Variants in CENPE observed in about 807,000 individuals in gnomAD.
CENPE encodes centromere protein E.
Under a neutral mutation model 336.1 loss-of-function variants are expected in CENPE, and 145 were observed. That is an observed-to-expected ratio of 0.43 (90% CI 0.38 to 0.50). The LOEUF (loss-of-function observed/expected upper bound fraction) is 0.50. Ranked by LOEUF, CENPE falls within the 20% of genes least tolerant of loss-of-function variation. The probability of loss-of-function intolerance (pLI) is 0.00; values close to 1 mark genes in which losing one functional copy is unlikely to be tolerated. For missense variants in CENPE, 2,719 were observed against 3,023.3 expected (o/e 0.90, Z 2.36); for synonymous variants, 1,013 against 984.8 (o/e 1.03, Z -0.54).
chr4:103,145,992 A>C lies in CENPE; in HGVS notation c.4250T>G (p.Leu1417Arg). The change falls in exon 30 of 49, where the codon CTA (leucine) becomes CGA (arginine). Residue 1417 changes from leucine (L) to arginine (R), a missense_variant. By Grantham distance (102) the Leu-to-Arg change is moderately radical. Coordinates refer to ENST00000265148, the MANE Select transcript of CENPE (RefSeq NM_001813.3). ...TCCGAGCATTTCTATTTCTATCCTTAGTAGTGCTGAATCTTTGGGTTTGAA... is the reference window on the plus strand; with the variant it reads ...TCCGAGCATTTCTATTTCTATCCTTCGTAGTGCTGAATCTTTGGGTTTGAA... ...EQFKPKDSAL[L>R]RIEIEMLGLS... 6.2e-7 allele frequency: 1 copy of C among 1,613,886 alleles called. No homozygotes were observed. Among genetic ancestry groups the C allele is most frequent in the Non-Finnish European group, 8.5e-7 (1 of 1,179,914 alleles).
Position 103,151,434 on chromosome 4 carries a change from C to G in CENPE, c.3238-57G>C, listed in dbSNP as rs1578616445. 4 of 1,255,616 alleles carry G rather than the reference C, an allele frequency of 3.2e-6. No homozygotes were observed. The South Asian group carries it at 5.0e-5, about 16-fold the overall frequency. The allele number at this position is 1,255,616 out of a possible 1,614,324, so 77.8% of individuals were successfully genotyped here. ...AAATATTAGCTAACATTTATGAAAT[C>G]AGGTAAAACATCAGCATTTCTCTCA... On this transcript the variant is annotated intron_variant, in intron 25 of 48. Transcript: ENST00000265148.
chr4:103,120,070 A>C, intron 44 of CENPE, 78 bp downstream of exon 44: 3 of 1,024,010 alleles, frequency 2.9e-6, no homozygotes, highest in Non-Finnish European at 4.2e-6. Flanking sequence ...GGAAGAATAG[A>C]GCACAAGGAG....
At chr4:103,186,529 C>T (rs1756783853) in intron 8 of CENPE, among the ~76,000 whole-genome samples, 1 of 152,178 alleles carries the variant, frequency 6.6e-6, no homozygotes, top group African/African-American at 2.4e-5. Flanking sequence ...ACTGTGGCAT[C>T]TTTAAGAGCT....
At position 103,108,945 on chromosome 4, in the gene CENPE, G is replaced by C. The variant is rs771180147; in HGVS notation, c.7869C>G (p.Pro2623=). The part of the protein sequence containing the change: ...GTASKKKQIT[P]SQCKERNLQD... ...GTAAATTCCGTTCCTTGCATTGAGA[G>C]GGTGTAATTTGTTTCTTTTTAGAAG... The change falls in exon 48 of 49, where the codon CCC becomes CCG. Residue 2623 remains proline, a synonymous_variant. Coordinates refer to ENST00000265148, the MANE Select transcript of CENPE (RefSeq NM_001813.3). 9.9e-6 allele frequency: 16 copies of C among 1,613,788 alleles called. No homozygotes were observed. Among genetic ancestry groups the C allele is most frequent in the Non-Finnish European group, 1.3e-5 (15 of 1,179,874 alleles).
chr4:103,197,809 A>C (rs1009648363), intron 1 of CENPE, among the ~76,000 whole-genome samples: 1 of 152,252 alleles, frequency 6.6e-6, no homozygotes, highest in Non-Finnish European at 1.5e-5. Flanking sequence ...CTAAAAAAAA[A>C]TTGATAAATA....
chr4:103,149,255 A>C lies in CENPE; in HGVS notation c.3550T>G (p.Leu1184Val). ...TAATTTTCATTAAGTTTCTGAGCCA[A>C]CTCAAGCCTCTCTGTTTCCATATGT... ...LEHMETERLELAQKLNENYEE... is the reference protein window; with the variant it reads ...LEHMETERLEVAQKLNENYEE... Residue 1184 changes from leucine to valine, a missense_variant, in exon 27 of 49, where the codon TTG (leucine) becomes GTG (valine). Around this residue, in one of 5 missense-constraint regions of CENPE, gnomAD observed 2,437 missense variants for 2,513.3 expected, o/e 0.97. Transcript: ENST00000265148. 2 of 1,612,980 alleles carry C rather than the reference A, an allele frequency of 1.2e-6. No homozygotes were observed. The highest frequency in any genetic ancestry group is 1.7e-6 in the Non-Finnish European group (2 of 1,179,810).
chr4:103,176,211 T>C (rs891157918), intron 14 of CENPE, among the ~76,000 whole-genome samples, 163 bp from the exon 15 acceptor site: 7 of 152,190 alleles, frequency 4.6e-5, no homozygotes, highest in Non-Finnish European at 8.8e-5. Context: ...ATAGATATGG[T>C]CATTTATGTT....
At chr4:103,177,192 T>C in intron 13 of CENPE, 146 bp from the exon 14 acceptor site, 1 of 602,566 alleles carries the variant, frequency 1.7e-6, no homozygotes, top group East Asian at 3.1e-5. Flanking sequence ...CTAAGGATAT[T>C]GCTTAAAAAA....
At chr4:103,162,388 G>A (rs922382133) in intron 18 of CENPE, among the ~76,000 whole-genome samples, 5 of 151,834 alleles carry the variant, frequency 3.3e-5, no homozygotes, top group African/African-American at 4.8e-5. Context: ...AAACTGAAGC[G>A]ATTAAATGAC....
At chr4:103,163,400 ACAT>A in intron 17 of CENPE, 76 bp downstream of exon 17, 1 of 1,271,584 alleles carries the variant, frequency 7.9e-7, no homozygotes, top group Non-Finnish European at 1.1e-6. Flanking sequence ...CTTATTTCTG[ACAT>A]CATGTTCAGT....
chr4:103,173,630 T>TTTGCAATATTTACAGAAATATTTGCAA (rs1212496499), intron 16 of CENPE, among the ~76,000 whole-genome samples: 1 of 151,438 alleles, frequency 6.6e-6, no homozygotes, highest in African/African-American at 2.4e-5. Flanking sequence ...TTGCAAAATA[T>TTTGCAATATTTACAGAAATATTTGCAA]ACATCTGACA....
Position 103,181,333 on chromosome 4 carries a change from A to G in CENPE, c.1083+4T>C, listed in dbSNP as rs1756310919. 1 of 1,511,038 alleles carries G rather than the reference A, an allele frequency of 6.6e-7. No individual in the cohort carries two copies. The highest frequency in any genetic ancestry group is 1.4e-5 in the African/African-American group (1 of 70,272). The allele number at this position is 1,511,038 out of a possible 1,614,324, so 93.6% of individuals were successfully genotyped here. A position where few individuals can be genotyped will look rare whatever the true frequency, so the allele number is the denominator to read the frequency against. ...ATTTAATGAAATAAATGATTCATAC[A>G]TACCTCCTCTAATTGTTTTTTAAGA... On this transcript the variant is annotated splice_donor_region_variant and intron_variant, in intron 12 of 48. Coordinates refer to ENST00000265148, the MANE Select transcript of CENPE (RefSeq NM_001813.3).
chr4:103,148,751 A>T, intron 28 of CENPE, 93 bp downstream of exon 28: 1 of 1,165,544 alleles, frequency 8.6e-7, no homozygotes, highest in African/African-American at 1.5e-5. Context: ...TCAATTAATG[A>T]ACCACATCCT....
Position 103,106,406 on chromosome 4 carries a change from G to A in CENPE, c.8012-90C>T, listed in dbSNP as rs560935001. 3 of 912,996 alleles carry A rather than the reference G, an allele frequency of 3.3e-6. No homozygotes were observed. In the Admixed American group the frequency reaches 7.2e-5, roughly 22 times the overall value. The allele number at this position is 912,996 out of a possible 1,614,324, so 56.6% of individuals were successfully genotyped here. On this transcript the variant is annotated intron_variant, in intron 48 of 48. Coordinates refer to ENST00000265148, the MANE Select transcript of CENPE (RefSeq NM_001813.3). ...GGAAGTGGAAAGGAGGTTAAGACAG[G>A]AGAGATGTGAAGAATGAAAAATGGC...
intron 41 of CENPE, 64 bp from the exon 42 acceptor site, chr4:103,132,960 T>TTATATGTATATATATATATA (rs1751727171): frequency 6.9e-6 from 1 of 144,300 alleles, no homozygotes; most frequent in African/African-American, 3.6e-5. Flanking sequence ...AATATTTTAT[T>TTATATGTATATATATATATA]TATATATATA....
Position 103,175,949 on chromosome 4 carries a change from C to T in CENPE, c.1479+11G>A, listed in dbSNP as rs1213711011. On this transcript the variant is annotated intron_variant, in intron 15 of 48. Transcript: ENST00000265148. ...TAAAAGCATTATATGCTGTAAAATA[C>T]ATTAAGTTACCTGATTTAGTAGCTT... 1 of 1,519,920 alleles carries T rather than the reference C, an allele frequency of 6.6e-7. No individual in the cohort carries two copies. Among genetic ancestry groups the T allele is most frequent in the Non-Finnish European group, 9.1e-7 (1 of 1,102,418 alleles). The allele number at this position is 1,519,920 out of a possible 1,614,324, so 94.2% of individuals were successfully genotyped here.
rs1427116832 is a variant in CENPE, at chr4:103,140,275, T to G, written c.5894A>C (p.Lys1965Thr). The G allele has an allele frequency of 3.1e-6, 5 of 1,594,446 alleles. No homozygotes were observed. Among genetic ancestry groups the G allele is most frequent in the Non-Finnish European group, 4.3e-6 (5 of 1,173,966 alleles). Residue 1965 changes from lysine (K) to threonine (T), a missense_variant, in exon 37 of 49, where the codon AAA becomes ACA. Lys to Thr is a moderately conservative substitution (Grantham distance 78, BLOSUM62 -1). Transcript: ENST00000265148. ...ACATACCTTTTTCTGTAATTCATCT[T>G]TTGATTTATCTAAATCCTTTTGAAT... ...SDIQKDLDKS[K>T]DELQKKIQEL...
chr4:103,139,970 G>A lies in CENPE; in HGVS notation c.6023C>T (p.Ala2008Val). The change falls in exon 38 of 49, where the codon GCC becomes GTC. Residue 2008 changes from alanine (A) to valine (V), a missense_variant. This residue lies in a region of CENPE where 2,437 missense variants were observed against 2,513.3 expected (regional missense o/e 0.97). Transcript: ENST00000265148. The stretch of plus-strand genomic sequence containing the variant: ...CACACTTTGCATAGATAAGTTTTGG[G>A]CCTCAAATTGCTTCTTCAACTGTTC... Reference protein sequence around the residue: ...EMEQLKKQFEAQNLSMQSVRM... With the variant: ...EMEQLKKQFEVQNLSMQSVRM... The A allele has an allele frequency of 1.2e-6, 2 of 1,613,214 alleles. No homozygotes were observed. The highest frequency in any genetic ancestry group is 1.7e-6 in the Non-Finnish European group (2 of 1,179,580).
At chr4:103,113,790 C>A (rs1749824331) in intron 46 of CENPE, among the ~76,000 whole-genome samples, 1 of 150,178 alleles carries the variant, frequency 6.7e-6, no homozygotes, top group Non-Finnish European at 1.5e-5. Context: ...CAGGTGCTAA[C>A]CCCACGATTT....
Sources: gnomAD v4.1 joint callset for allele counts (sites outside exome capture counted in the v4.1 genomes callset) on GRCh38, gnomAD v4.1.1 for gene constraint, gnomAD v4.1.1 regional missense constraint, MANE v1.5 for transcripts, NCBI Gene and HGNC (gene_info 2026-07-23, HGNC 2026-07-21) for gene names.